The following NXPE4 variants were observed in gnomAD, a reference collection of about 807,000 sequenced individuals.
The protein encoded by NXPE4 is NXPE family member 4.
A neutral mutation model predicts 33.3 loss-of-function variants in NXPE4; 42 were observed. The observed-to-expected ratio is 1.26, with a 90% CI of 0.98 to 1.63. The LOEUF (loss-of-function observed/expected upper bound fraction) is 1.63, where lower values mean the gene tolerates loss of function less well. NXPE4 is among the 40% of genes most tolerant of loss of function. NXPE4 has a pLI of 0.00. For synonymous variants in NXPE4, 253 were observed against 234.9 expected (o/e 1.08, Z -0.71); for missense variants, 709 against 647.6 (o/e 1.09, Z -1.03).
chr11:114,583,491 A>C (rs116759935), intron 2 of NXPE4: 4 of 634,652 alleles, frequency 6.3e-6, no homozygotes, highest in East Asian at 4.0e-5. Flanking sequence ...TGCTCCATCT[A>C]TCCAGATTAC....
the NXPE4 span, among the ~76,000 whole-genome samples, chr11:114,602,140 A>G: frequency 9.6e-6 from 1 of 103,924 alleles, no homozygotes; most frequent in Non-Finnish European, 1.7e-5. Flanking sequence ...CATAACATAT[A>G]CTATATATAA....
the NXPE4 span, among the ~76,000 whole-genome samples, chr11:114,601,489 T>G: frequency 3.4e-4 from 20 of 59,474 alleles, no homozygotes; most frequent in Non-Finnish European, 5.7e-4. Context: ...AATTAAATAT[T>G]TATTATATAG....
At chr11:114,594,847 A>C (rs1041422144) in intron 1 of NXPE4, 78 bp from the exon 2 acceptor site, 2 of 779,562 alleles carry the variant, frequency 2.6e-6, no homozygotes, top group African/African-American at 1.8e-5. Flanking sequence ...AAACATTTGA[A>C]ATTTTTTTGG....
the NXPE4 span, among the ~76,000 whole-genome samples, chr11:114,633,882 G>C: frequency 1.3e-5 from 2 of 151,996 alleles, no homozygotes; most frequent in East Asian, 1.9e-4. Context: ...TATTGGGGTT[G>C]GTTCCAAGTC....
chr11:114,614,964 A>AG, the NXPE4 span, among the ~76,000 whole-genome samples: 1 of 150,584 alleles, frequency 6.6e-6, no homozygotes, highest in Non-Finnish European at 1.5e-5. Flanking sequence ...CCTGGTGGAT[A>AG]AGTATTGCCT....
the NXPE4 span, among the ~76,000 whole-genome samples, chr11:114,625,449 T>TC: frequency 6.6e-6 from 1 of 152,140 alleles, no homozygotes; most frequent in Non-Finnish European, 1.5e-5. Context: ...AAGTATTGCC[T>TC]CTTGGGTAAC....
At chr11:114,667,109 A>G in the NXPE4 span, among the ~76,000 whole-genome samples, 4 of 152,242 alleles carry the variant, frequency 2.6e-5, no homozygotes, top group East Asian at 1.9e-4. Flanking sequence ...TGTGATGGCC[A>G]TGTGGTCCAG....
chr11:114,583,213 T>C (rs1246707851), intron 2 of NXPE4, 192 bp from the exon 3 acceptor site: 3 of 730,584 alleles, frequency 4.1e-6, no homozygotes, highest in Non-Finnish European at 6.7e-6. Flanking sequence ...AGAATGGAGA[T>C]TGACTGACAG....
chr11:114,596,876 AGATATGCTT>A (rs1949578429), upstream of NXPE4, among the ~76,000 whole-genome samples: 1 of 152,190 alleles, frequency 6.6e-6, no homozygotes, highest in African/African-American at 2.4e-5. Flanking sequence ...TAGGCACAAT[AGATATGCTT>A]GACTTAAAGA....
chr11:114,629,131 C>G, the NXPE4 span, among the ~76,000 whole-genome samples: 132 of 152,112 alleles, frequency 8.7e-4, 1 homozygote, highest in Middle Eastern at 0.014. Context: ...GAAACTATTC[C>G]AATCAATAGA....
chr11:114,591,790 T>C (rs145237576), intron 2 of NXPE4, among the ~76,000 whole-genome samples: 1 of 152,238 alleles, frequency 6.6e-6, no homozygotes, highest in African/African-American at 2.4e-5. Flanking sequence ...AGTAGTGGCC[T>C]ACAAATCTGT....
At chr11:114,649,428 G>A in the NXPE4 span, among the ~76,000 whole-genome samples, 1 of 152,190 alleles carries the variant, frequency 6.6e-6, no homozygotes, top group Non-Finnish European at 1.5e-5. Context: ...ACTAGTACAT[G>A]TTAGCATATG....
At chr11:114,661,886 G>A in the NXPE4 span, among the ~76,000 whole-genome samples, 1 of 152,160 alleles carries the variant, frequency 6.6e-6, no homozygotes, top group South Asian at 2.1e-4. Context: ...TATGGTCAAT[G>A]GGTTTTTGAT....
chr11:114,627,803 C>T, the NXPE4 span, among the ~76,000 whole-genome samples: 1 of 151,418 alleles, frequency 6.6e-6, no homozygotes, highest in Non-Finnish European at 1.5e-5. Context: ...CACATGGGCT[C>T]AAAATAAAAG....
chr11:114,591,609 C>T (rs575669891), intron 2 of NXPE4, among the ~76,000 whole-genome samples: 4 of 152,170 alleles, frequency 2.6e-5, no homozygotes, highest in South Asian at 2.1e-4. Context: ...GGCCATTTCT[C>T]GAGGGTATAC....
chr11:114,648,512 T>G, the NXPE4 span, among the ~76,000 whole-genome samples: 2 of 152,184 alleles, frequency 1.3e-5, no homozygotes, highest in African/African-American at 4.8e-5. Context: ...TCTACTAATT[T>G]AAACGTTAAT....
chr11:114,635,646 C>T, the NXPE4 span, among the ~76,000 whole-genome samples: 2 of 151,778 alleles, frequency 1.3e-5, no homozygotes, highest in African/African-American at 4.8e-5. Flanking sequence ...CCCATCAATA[C>T]CTAATTTATT....
Position 114,585,831 on chromosome 11 carries a change from T to C in NXPE4, c.97-2810A>G, listed in dbSNP as rs1949282129. Among the ~76,000 whole-genome samples, 5 of 152,208 alleles carry C rather than the reference T, an allele frequency of 3.3e-5. No individual in the cohort carries two copies. The South Asian group carries it at 1.0e-3, about 32-fold the overall frequency. ...TAGATAAGCCAGCTGAAAACTTGCA[T>C]GGGTGAATGCTGGCGGCTGTGTCAA... is the stretch of plus-strand genomic sequence containing the variant. On this transcript the variant is annotated intron_variant, in intron 2 of 5. Transcript: ENST00000375478.
At chr11:114,644,919 A>G in the NXPE4 span, among the ~76,000 whole-genome samples, 1,547 of 152,220 alleles carry the variant, frequency 0.01, 9 homozygotes, top group Non-Finnish European at 0.017. Context: ...AACTCAATCT[A>G]TTAATAAAAG....
Sources: gnomAD v4.1 joint callset for allele counts (sites outside exome capture counted in the v4.1 genomes callset) on GRCh38, gnomAD v4.1.1 for gene constraint, MANE v1.5 for transcripts, NCBI Gene and HGNC (gene_info 2026-07-23, HGNC 2026-07-21) for gene names.